ESPNL: variants seen among roughly 807,000 people sequenced by gnomAD.
The protein encoded by ESPNL is espin-like protein.
Under a neutral mutation model 46.8 loss-of-function variants are expected in ESPNL, and 49 were observed. The ratio of observed to expected loss-of-function variants is 1.05; its 90% CI spans 0.83 to 1.33. The LOEUF is 1.33. Ranked by LOEUF, ESPNL falls within the 40% of genes most tolerant of loss-of-function variation. The pLI is 0.00. For missense variants in ESPNL, 1,540 were observed against 1,436.6 expected (o/e 1.07, Z -1.16); for synonymous variants, 664 against 662.1 (o/e 1.00, Z -0.04).
rs201297433 is a variant in ESPNL, at chr2:238,130,400, G to T, written c.1686G>T (p.Glu562Asp). 3 of 1,610,824 alleles carry T rather than the reference G, an allele frequency of 1.9e-6. No individual in the cohort carries two copies. Among genetic ancestry groups the T allele is most frequent in the Non-Finnish European group, 2.5e-6 (3 of 1,179,194 alleles). Residue 562 changes from glutamate (E) to aspartate (D), a missense_variant, in exon 9 of 9, where the codon GAG becomes GAT. Coordinates refer to ENST00000343063, the MANE Select transcript of ESPNL (RefSeq NM_194312.4). Reference protein sequence around the residue: ...SHFLPRAPGLEVEEASIPAAE... With the variant: ...SHFLPRAPGLDVEEASIPAAE... ...TCCTGCCCCGGGCGCCCGGACTGGA[G>T]GTTGAGGAGGCCTCAATCCCAGCGG...
rs767019569 is a variant in ESPNL at position 238,104,761 on chromosome 2, C to A, written c.591C>A (p.Asp197Glu). Residue 197 changes from aspartate to glutamate, a missense_variant, in exon 3 of 9, where the codon GAC (aspartate) becomes GAA (glutamate). By Grantham distance (45) the Asp-to-Glu change is conservative. Coordinates refer to ENST00000343063, the MANE Select transcript of ESPNL (RefSeq NM_194312.4). ...TCCTGGTGAAGGACTGTGGCGCTGA[C>A]GTGCACCTTCGTGCTCTCGATGGCA... is the stretch of plus-strand genomic sequence containing the variant. ...AQFLVKDCGADVHLRALDGMS... is the reference protein window; with the variant it reads ...AQFLVKDCGAEVHLRALDGMS... 1 of 1,603,132 alleles carries A rather than the reference C, an allele frequency of 6.2e-7. No homozygotes were observed. The highest frequency in any genetic ancestry group is 8.5e-7 in the Non-Finnish European group (1 of 1,176,428).
At position 238,131,330 on chromosome 2, in the gene ESPNL, G is replaced by GGAGGAGC; in HGVS notation, c.2618_2624dup (p.Lys876GlyfsTer89). The GGAGGAGC allele has an allele frequency of 6.3e-7, 1 of 1,589,744 alleles. No individual in the cohort carries two copies. The highest frequency in any genetic ancestry group is 1.1e-5 in the South Asian group (1 of 88,090). ...AGCTGCTGGAGTGCGACCTGCCGGC[G>GGAGGAGC]GAGGAGCGGAAGCTGCGCCACCTGC... On this transcript the variant is annotated frameshift_variant, in exon 9 of 9. Transcript: ENST00000343063. LOFTEE classifies it low-confidence loss of function (END_TRUNC).
At position 238,116,929 on chromosome 2, in the gene ESPNL, C is replaced by T; in HGVS notation, c.882C>T (p.His294=). The change falls in exon 5 of 9, where the codon CAC becomes CAT. Residue 294 remains histidine (H), a synonymous_variant. Transcript: ENST00000343063. ...GCTGCCAGACCCTAGTCTCCCACCA[C>T]GTGGACCCCTCCCTGCGGGATGAAG... ...MECCQTLVSH[H]VDPSLRDEDG... 1 of 1,612,672 alleles carries T rather than the reference C, an allele frequency of 6.2e-7. No individual in the cohort carries two copies. The highest frequency in any genetic ancestry group is 8.5e-7 in the Non-Finnish European group (1 of 1,179,844).
intron 5 of ESPNL, among the ~76,000 whole-genome samples, chr2:238,124,447 T>C (rs1395334990): frequency 1.3e-5 from 2 of 152,126 alleles, no homozygotes; most frequent in Admixed American, 1.3e-4. Context: ...CACTTGGCCA[T>C]CCACCCCCAA....
intron 4 of ESPNL, among the ~76,000 whole-genome samples, chr2:238,110,116 C>T (rs1180495381): frequency 1.3e-5 from 2 of 148,464 alleles, no homozygotes; most frequent in Non-Finnish European, 3.0e-5. Flanking sequence ...ATTTAAGGTG[C>T]CATATGTTAC....
intron 5 of ESPNL, among the ~76,000 whole-genome samples, chr2:238,121,743 A>G (rs1257070806): frequency 1.3e-5 from 2 of 152,216 alleles, no homozygotes; most frequent in Admixed American, 6.5e-5. Flanking sequence ...CGAGCACCCA[A>G]TGAGGCGCCT....
intron 3 of ESPNL, among the ~76,000 whole-genome samples, chr2:238,106,552 C>A (rs1401458199): frequency 6.6e-6 from 1 of 152,234 alleles, no homozygotes; most frequent in Non-Finnish European, 1.5e-5. Context: ...AGCAGCCTAC[C>A]CCAAAGGAAG....
At chr2:238,119,035 TGAATGGAGGAGGAATGAATGGAAGA>T (rs1691907078) in intron 5 of ESPNL, among the ~76,000 whole-genome samples, 2 of 113,596 alleles carry the variant, frequency 1.8e-5, no homozygotes, top group Non-Finnish European at 3.7e-5. Context: ...TGGAGGAGGG[TGAATGGAGGAGGAATGAATGGAAGA>T]GGATGGATGG....
At position 238,127,123 on chromosome 2, in the gene ESPNL, CTGTGTCTGTGTGATTGTGTCTG is replaced by C. The variant is rs1559267271; in HGVS notation, c.1103-495_1103-474del. Among the ~76,000 whole-genome samples the C allele has an allele frequency of 4.1e-5, 6 of 146,052 alleles. No homozygotes were observed. In the East Asian group the frequency reaches 1.2e-3, roughly 30 times the overall value. The stretch of plus-strand genomic sequence containing the variant: ...GTGTCTGTATGTGATGTGATTGTGT[CTGTGTCTGTGTGATTGTGTCTG>C]TGTTGTGTGTATGTGATTGTGTCTG... On this transcript the variant is annotated intron_variant, in intron 6 of 8. Coordinates refer to ENST00000343063, the MANE Select transcript of ESPNL (RefSeq NM_194312.4).
chr2:238,107,470 C>T (rs1691621470), intron 3 of ESPNL, among the ~76,000 whole-genome samples: 1 of 151,802 alleles, frequency 6.6e-6, no homozygotes, highest in South Asian at 2.1e-4. Context: ...CTCTCCTCTC[C>T]TTCCTTCATA....
intron 5 of ESPNL, 146 bp from the exon 6 acceptor site, chr2:238,125,124 C>A: frequency 2.1e-6 from 1 of 476,738 alleles, no homozygotes; most frequent in Non-Finnish European, 3.8e-6. Flanking sequence ...GGACCTGCCC[C>A]TCTCCTGCCA....
chr2:238,126,983 GTCTA>G (rs145136597), intron 6 of ESPNL, among the ~76,000 whole-genome samples: 19,781 of 148,116 alleles, frequency 0.13, 1,470 homozygotes, highest in South Asian at 0.29. Flanking sequence ...GTGTGATTGT[GTCTA>G]TCTGTGTGTG....
Position 238,102,139 on chromosome 2 carries a change from G to T in ESPNL, c.485+8G>T, listed in dbSNP as rs1394579526. 2.0e-6 allele frequency: 3 copies of T among 1,526,192 alleles called. No homozygotes were observed. The highest frequency in any genetic ancestry group is 8.8e-7 in the Non-Finnish European group (1 of 1,133,696). 94.5% of individuals were successfully genotyped at this position (1,526,192 alleles called of 1,614,324 possible). A position where few individuals can be genotyped will look rare whatever the true frequency, so the allele number is the denominator to read the frequency against. On this transcript the variant is annotated splice_region_variant and intron_variant, in intron 2 of 8. Coordinates refer to ENST00000343063, the MANE Select transcript of ESPNL (RefSeq NM_194312.4). Reference sequence around the variant, plus strand: ...GACAGCCGCGCATGGCAGGTAAGGAGCCCAAAGTCCCGCCTGGGGGGGCAG... The same window carrying T: ...GACAGCCGCGCATGGCAGGTAAGGATCCCAAAGTCCCGCCTGGGGGGGCAG...
rs547791684 is a variant in ESPNL, at chr2:238,130,120, G to C, written c.1414-8G>C. The C allele has an allele frequency of 6.2e-7, 1 of 1,601,870 alleles. No homozygotes were observed. The highest frequency in any genetic ancestry group is 1.3e-5 in the African/African-American group (1 of 74,828). On this transcript the variant is annotated splice_polypyrimidine_tract_variant and splice_region_variant and intron_variant, in intron 8 of 8. Transcript: ENST00000343063. Reference sequence around the variant, plus strand: ...TCACCCTGCTCACCCTGCCCTTCCTGTGCCCAGGACAATGGTGGGAGCTCA... The same window carrying C: ...TCACCCTGCTCACCCTGCCCTTCCTCTGCCCAGGACAATGGTGGGAGCTCA...
rs148153794 is a variant in ESPNL at position 238,130,522 on chromosome 2, T to G, written c.1808T>G (p.Leu603Arg). ...CACATCTCCCGCCTGGTACGCAGCC[T>G]GTCCCTGCTGCTGAAGGGCGTGCAT... ...CSHISRLVRSLSLLLKGVHGL... is the reference protein window; with the variant it reads ...CSHISRLVRSRSLLLKGVHGL... The change falls in exon 9 of 9, where the codon CTG (leucine) becomes CGG (arginine). Residue 603 changes from leucine (L) to arginine (R), a missense_variant. Coordinates refer to ENST00000343063, the MANE Select transcript of ESPNL (RefSeq NM_194312.4). 5 of 1,596,154 alleles carry G rather than the reference T, an allele frequency of 3.1e-6. No homozygotes were observed. The highest frequency in any genetic ancestry group is 3.4e-6 in the Non-Finnish European group (4 of 1,171,720).
Position 238,102,121 on chromosome 2 carries a change from G to A in ESPNL, c.475G>A (p.Ala159Thr), listed in dbSNP as rs778481219. 2.3e-5 allele frequency: 35 copies of A among 1,544,378 alleles called. No homozygotes were observed. In the African/African-American group the frequency reaches 3.0e-4, roughly 13 times the overall value. Reference protein sequence around the residue: ...DLTCLKLLTAAHGSSVNRRTR... With the variant: ...DLTCLKLLTATHGSSVNRRTR... ...GACCTGCCTCAAGCTCCTGACAGCC[G>A]CGCATGGCAGGTAAGGAGCCCAAAG... The change falls in exon 2 of 9, where the codon GCG (alanine) becomes ACG (threonine). Residue 159 changes from alanine (A) to threonine (T), a missense_variant. Coordinates refer to ENST00000343063, the MANE Select transcript of ESPNL (RefSeq NM_194312.4).
chr2:238,121,954 T>A (rs1487399125), intron 5 of ESPNL, among the ~76,000 whole-genome samples: 1 of 152,242 alleles, frequency 6.6e-6, no homozygotes, highest in Non-Finnish European at 1.5e-5. Context: ...CCGGCACCCA[T>A]CCGTGGGCCG....
At chr2:238,127,382 G>A (rs983738371) in intron 6 of ESPNL, 8 of 1,285,504 alleles carry the variant, frequency 6.2e-6, no homozygotes, top group East Asian at 3.2e-5. Flanking sequence ...GGGCCGCGGC[G>A]TGGCCCAGCG....
chr2:238,115,813 G>C (rs1464805804), intron 4 of ESPNL, among the ~76,000 whole-genome samples: 2 of 152,166 alleles, frequency 1.3e-5, no homozygotes, highest in African/African-American at 4.8e-5. Context: ...GCTGGGATTA[G>C]AGGCGCCCGC....
Sources: allele counts gnomAD v4.1 joint callset (sites outside exome capture counted in the v4.1 genomes callset), GRCh38; gene constraint gnomAD v4.1.1; transcripts MANE v1.5; gene names NCBI Gene and HGNC (gene_info 2026-07-23, HGNC 2026-07-21).